Variants in PTPRD observed in about 807,000 individuals in gnomAD.
PTPRD encodes receptor-type tyrosine-protein phosphatase delta.
PTPRD carries 34 observed loss-of-function variants against 214.5 expected under a neutral mutation model. The ratio of observed to expected loss-of-function variants is 0.16; its 90% confidence interval spans 0.12 to 0.21. The LOEUF (loss-of-function observed/expected upper bound fraction) is 0.21. PTPRD is among the 10% of genes least tolerant of loss of function. PTPRD has a pLI of 1.00. For missense variants in PTPRD, 2,545 were observed against 2,398.7 expected, an observed-to-expected ratio of 1.06 and a Z score of -1.27; for synonymous variants, 1,128 against 845.7, an observed-to-expected ratio of 1.33 and a Z score of -5.79.
At chr9:10,141,869 A>C (rs1378190309) in intron 3 of PTPRD, among the ~76,000 whole-genome samples, 1 of 152,186 alleles carries the variant, frequency 6.6e-6, no homozygotes, top group African/African-American at 2.4e-5. Flanking sequence ...AGGCTACAGT[A>C]ACCAAAACAG....
At chr9:8,426,257 T>C (rs996919204) in intron 35 of PTPRD, among the ~76,000 whole-genome samples, 3 of 152,100 alleles carry the variant, frequency 2.0e-5, no homozygotes, top group Non-Finnish European at 4.4e-5. Flanking sequence ...AGAACCAAGG[T>C]TCTGAGAGGT....
intron 8 of PTPRD, among the ~76,000 whole-genome samples, chr9:9,406,364 A>T: frequency 6.6e-6 from 1 of 151,942 alleles, no homozygotes; most frequent in African/African-American, 2.4e-5. Flanking sequence ...GTTCTATTCC[A>T]TGAAGTAAAT....
intron 4 of PTPRD, among the ~76,000 whole-genome samples, chr9:9,939,412 T>C (rs1038840133): frequency 6.6e-5 from 10 of 152,150 alleles, no homozygotes; most frequent in Non-Finnish European, 8.8e-5. Context: ...GTGCAGTCTT[T>C]GATTTGTCTA....
chr9:8,902,800 A>G (rs2098680745), intron 11 of PTPRD, among the ~76,000 whole-genome samples: 1 of 152,204 alleles, frequency 6.6e-6, no homozygotes, highest in South Asian at 2.1e-4. Flanking sequence ...AATCTATTTG[A>G]ATTTTCAAAA....
intron 3 of PTPRD, among the ~76,000 whole-genome samples, chr9:10,099,972 C>CAT (rs1381757692): frequency 1.3e-5 from 2 of 151,670 alleles, no homozygotes; most frequent in South Asian, 4.1e-4. Context: ...ATTCATCCAG[C>CAT]ATATATAAAC....
chr9:9,115,157 T>A (rs2099811131), intron 10 of PTPRD, among the ~76,000 whole-genome samples: 1 of 152,132 alleles, frequency 6.6e-6, no homozygotes, highest in Non-Finnish European at 1.5e-5. Context: ...GTTATTCTAT[T>A]TCGCAGATTC....
chr9:10,330,499 T>C (rs777149535), intron 3 of PTPRD, among the ~76,000 whole-genome samples: 10 of 151,894 alleles, frequency 6.6e-5, no homozygotes, highest in African/African-American at 9.7e-5. Flanking sequence ...ATTTGGTTTC[T>C]AAAACTTCAA....
intron 8 of PTPRD, among the ~76,000 whole-genome samples, chr9:9,422,827 G>C (rs538792982): frequency 1.0e-3 from 159 of 152,236 alleles, no homozygotes; most frequent in African/African-American, 3.7e-3. Context: ...CAGTTCTTAA[G>C]CCTTACAAGG....
intron 14 of PTPRD, among the ~76,000 whole-genome samples, chr9:8,577,713 C>T (rs1273747964): frequency 1.3e-5 from 2 of 152,280 alleles, no homozygotes; most frequent in Admixed American, 1.3e-4. Context: ...TGTTATTCTA[C>T]TTATACTCAA....
rs1169986471 is a variant in PTPRD, at chr9:10,363,993, T to TTTTTTG, written c.-599-22977_-599-22976insCAAAAA. Among the ~76,000 whole-genome samples, 95 of 48,746 alleles carry TTTTTTG rather than the reference T, an allele frequency of 1.9e-3. 21 individuals are homozygous for TTTTTTG. Among genetic ancestry groups the TTTTTTG allele is most frequent in the African/African-American group, 6.0e-3 (85 of 14,152 alleles). 32.0% of individuals were successfully genotyped at this position (48,746 alleles called of 152,430 possible). On this transcript the variant is annotated intron_variant, in intron 2 of 45. Transcript: ENST00000381196. ...TATTATTGCCTCCACATTTTCGGGTTTTTTTTTTTTTTTTTTTTTTTTTTG... is the reference window on the plus strand; with the variant it reads ...TATTATTGCCTCCACATTTTCGGGTTTTTTTGTTTTTTTTTTTTTTTTTTTTTTTTG...
At chr9:10,424,381 T>C (rs1191000578) in intron 2 of PTPRD, among the ~76,000 whole-genome samples, 1 of 151,804 alleles carries the variant, frequency 6.6e-6, no homozygotes, top group Non-Finnish European at 1.5e-5. Flanking sequence ...TTTAGGTAAC[T>C]GTTCAGAACT....
chr9:8,868,664 A>G (rs2098242008), intron 11 of PTPRD, among the ~76,000 whole-genome samples: 1 of 152,128 alleles, frequency 6.6e-6, no homozygotes, highest in Non-Finnish European at 1.5e-5. Flanking sequence ...ATTCTTTGTG[A>G]AAGTGCTTTT....
chr9:10,387,745 T>C (rs972912129), intron 2 of PTPRD, among the ~76,000 whole-genome samples: 10 of 151,126 alleles, frequency 6.6e-5, no homozygotes, highest in African/African-American at 1.2e-4. Context: ...TTTGAGACCA[T>C]TTCTGTCATT....
intron 8 of PTPRD, among the ~76,000 whole-genome samples, chr9:9,414,451 A>G (rs2142076530): frequency 6.6e-6 from 1 of 152,328 alleles, no homozygotes; most frequent in East Asian, 1.9e-4. Context: ...CAGAATATCA[A>G]ATACATTTAG....
At chr9:9,931,724 C>A (rs533473583) in intron 5 of PTPRD, among the ~76,000 whole-genome samples, 32 of 151,826 alleles carry the variant, frequency 2.1e-4, no homozygotes, top group Non-Finnish European at 2.8e-4. Context: ...TGGAGTCCAC[C>A]ACAGCTCAAG....
chr9:8,768,687 TA>T (rs1275990068), intron 11 of PTPRD, among the ~76,000 whole-genome samples: 1 of 152,224 alleles, frequency 6.6e-6, no homozygotes, highest in African/African-American at 2.4e-5. Context: ...GTTACTGTTT[TA>T]TTTTTCCCAT....
chr9:8,784,150 T>C (rs1034322520), intron 11 of PTPRD, among the ~76,000 whole-genome samples: 3 of 152,174 alleles, frequency 2.0e-5, no homozygotes, highest in African/African-American at 7.2e-5. Context: ...GGTGTTGTGC[T>C]CCATAAAATT....
At chr9:9,351,761 G>T (rs1232201676) in intron 9 of PTPRD, among the ~76,000 whole-genome samples, 1 of 152,020 alleles carries the variant, frequency 6.6e-6, no homozygotes, top group African/African-American at 2.4e-5. Context: ...ATAAGGGTCA[G>T]GAGCGTAGGC....
chr9:8,470,349 G>C (rs1447326561), intron 31 of PTPRD, among the ~76,000 whole-genome samples: 1 of 152,142 alleles, frequency 6.6e-6, no homozygotes, highest in Non-Finnish European at 1.5e-5. Flanking sequence ...TACAAGAAGA[G>C]TACCAATTAT....
Sources: allele counts gnomAD v4.1 joint callset (sites outside exome capture counted in the v4.1 genomes callset), GRCh38; gene constraint gnomAD v4.1.1; transcripts MANE v1.5; gene names NCBI Gene and HGNC (gene_info 2026-07-23, HGNC 2026-07-21).